Variants in ING5 observed in about 807,000 individuals in gnomAD.
The protein encoded by ING5 is inhibitor of growth protein 5.
Under a neutral mutation model 37.4 loss-of-function variants are expected in ING5, and 17 were observed. That is an observed-to-expected ratio of 0.45 (90% confidence interval 0.31 to 0.68). ING5 has a LOEUF of 0.68. Ranked by LOEUF, ING5 falls within the 30% of genes least tolerant of loss-of-function variation. The pLI, the probability that ING5 is intolerant of heterozygous loss-of-function variation, is 0.05. For missense variants in ING5, 233 were observed against 311.9 expected, an observed-to-expected ratio of 0.75 and a Z score of 1.91; for synonymous variants, 123 against 116.6, an observed-to-expected ratio of 1.06 and a Z score of -0.36.
intron 7 of ING5, 139 bp from the exon 8 acceptor site, chr2:241,724,850 G>A (rs1268381530): frequency 2.2e-5 from 17 of 770,802 alleles, no homozygotes; most frequent in East Asian, 2.6e-5. Context: ...GGAGGGCCGC[G>A]GCCCCACTGC....
intron 5 of ING5, among the ~76,000 whole-genome samples, chr2:241,719,086 T>C (rs545028643): frequency 5.3e-5 from 8 of 152,330 alleles, no homozygotes; most frequent in South Asian, 2.1e-4. Flanking sequence ...CCGAGGCCCC[T>C]TGAGGACCTT....
intron 2 of ING5, among the ~76,000 whole-genome samples, chr2:241,705,764 G>A (rs569551066): frequency 3.9e-4 from 60 of 152,082 alleles, no homozygotes; most frequent in African/African-American, 1.3e-3. Flanking sequence ...TTTATCTCTC[G>A]TCAGTTTTAG....
rs979309509 is a variant in ING5, at chr2:241,712,226, C to T, written c.482+155C>T. ...CGCTGCGCGCCTGTCGTCAGCCTGT[C>T]CTCACCGCAGCCTTTGAGGGGGTGC... On this transcript the variant is annotated intron_variant, in intron 5 of 7. Coordinates refer to ENST00000313552, the MANE Select transcript of ING5 (RefSeq NM_032329.6). The T allele has an allele frequency of 1.6e-5, 10 of 636,020 alleles. No homozygotes were observed. The Admixed American group carries it at 2.7e-4, about 17-fold the overall frequency. 39.4% of individuals were successfully genotyped at this position (636,020 alleles called of 1,614,324 possible).
At chr2:241,722,325 G>C in intron 5 of ING5, 1 of 985,416 alleles carries the variant, frequency 1.0e-6, no homozygotes, top group Non-Finnish European at 1.2e-6. Flanking sequence ...GTTGAGTCCA[G>C]AGGTCCCCGG....
At chr2:241,687,246 C>T (rs1029642359) in exon 1 of ING5, 2 of 397,510 alleles carry the variant, frequency 5.0e-6, no homozygotes, top group Non-Finnish European at 8.9e-6. Context: ...CCGCTGCCAG[C>T]GTGAGGGCTC....
At chr2:241,710,774 G>T (rs1351649516) in intron 3 of ING5, among the ~76,000 whole-genome samples, 3 of 152,066 alleles carry the variant, frequency 2.0e-5, no homozygotes, top group African/African-American at 7.2e-5. Flanking sequence ...ATGAGCCACC[G>T]TGCCTGGCCT....
chr2:241,696,218 C>T (rs188654747), intron 2 of ING5, among the ~76,000 whole-genome samples: 94 of 151,360 alleles, frequency 6.2e-4, no homozygotes, highest in East Asian at 1.2e-3. Flanking sequence ...AGTGAAACCC[C>T]GTGTCTACTA....
At chr2:241,720,260 C>G in intron 5 of ING5, 1 of 1,230,334 alleles carries the variant, frequency 8.1e-7, no homozygotes, top group Non-Finnish European at 1.0e-6. Context: ...GCGTCCCTGA[C>G]CCATCAGCAC....
chr2:241,702,760 C>T (rs925353976), intron 1 of ING5, among the ~76,000 whole-genome samples: 12 of 152,370 alleles, frequency 7.9e-5, no homozygotes, highest in African/African-American at 2.6e-4. Flanking sequence ...CTTTCCCTCA[C>T]TTTACACACC....
chr2:241,709,534 A>G, intron 3 of ING5, 152 bp downstream of exon 3: 1 of 621,604 alleles, frequency 1.6e-6, no homozygotes, highest in South Asian at 2.1e-5. Context: ...GACGGAATAC[A>G]CTTCATGTAG....
intron 2 of ING5, among the ~76,000 whole-genome samples, chr2:241,694,998 G>A (rs1314565999): frequency 2.1e-5 from 3 of 142,412 alleles, no homozygotes; most frequent in South Asian, 2.3e-4. Flanking sequence ...CCAGCCTTGC[G>A]ACAGAGCAAG....
intron 5 of ING5, chr2:241,720,357 G>A (rs1277728297): frequency 1.7e-5 from 20 of 1,198,254 alleles, no homozygotes; most frequent in Non-Finnish European, 1.9e-5. Context: ...GGGGACCCAG[G>A]CGCACGCACC....
upstream of ING5, chr2:241,702,015 TC>T (rs2069740821): frequency 1.5e-6 from 2 of 1,304,916 alleles, no homozygotes; most frequent in Admixed American, 8.0e-5. Context: ...CGCCCCCGCC[TC>T]CCGCGGCACC....
chr2:241,720,815 A>G (rs1358059514), intron 5 of ING5: 4 of 985,612 alleles, frequency 4.1e-6, no homozygotes, highest in Non-Finnish European at 4.8e-6. Context: ...AGGGCTCCCC[A>G]TGGCCTCCTG....
intron 5 of ING5, chr2:241,719,547 G>A (rs2070373280): frequency 3.9e-6 from 6 of 1,536,076 alleles, no homozygotes; most frequent in South Asian, 1.2e-5. Context: ...TGTCCCGACC[G>A]TGCCTTTTCT....
upstream of ING5, among the ~76,000 whole-genome samples, chr2:241,699,503 T>G (rs898412009): frequency 2.0e-5 from 3 of 152,076 alleles, no homozygotes; most frequent in Non-Finnish European, 4.4e-5. Context: ...CTAGACCTCC[T>G]GGGCTCAAGC....
rs1691733830 is a variant in ING5 at position 241,729,299 on chromosome 2, C to T, written c.*4268C>T. 1 of 152,562 alleles carries T rather than the reference C, an allele frequency of 6.6e-6. No homozygotes were observed. Among genetic ancestry groups the T allele is most frequent in the African/African-American group, 2.4e-5 (1 of 41,414 alleles). 9.5% of individuals were successfully genotyped at this position (152,562 alleles called of 1,614,324 possible). ...CGTTTCATCCAAAACGATGATGCAG[C>T]TTTAACATGAATGTTACATTTTTAT... is the stretch of plus-strand genomic sequence containing the variant. On this transcript the variant is annotated 3_prime_UTR_variant, in exon 8 of 8. Coordinates refer to ENST00000313552, the MANE Select transcript of ING5 (RefSeq NM_032329.6).
chr2:241,701,619 G>A (rs1177056333), upstream of ING5, among the ~76,000 whole-genome samples: 3 of 152,194 alleles, frequency 2.0e-5, no homozygotes, highest in African/African-American at 4.8e-5. Context: ...AGGAGCCTTC[G>A]GGAAGGGAGG....
intron 5 of ING5, chr2:241,719,411 G>T: frequency 2.5e-6 from 2 of 793,586 alleles, no homozygotes; most frequent in South Asian, 1.5e-5. Context: ...AGCTCTTGTT[G>T]CTCCACAGCT....
Sources: gnomAD v4.1 joint callset for allele counts (sites outside exome capture counted in the v4.1 genomes callset) on GRCh38, gnomAD v4.1.1 for gene constraint, MANE v1.5 for transcripts, NCBI Gene and HGNC (gene_info 2026-07-23, HGNC 2026-07-21) for gene names.